The following DDX27 variants were observed in gnomAD, a reference collection of about 807,000 sequenced individuals.
DDX27 encodes the protein DEAD-box helicase 27, also known as probable ATP-dependent RNA helicase DDX27.
In DDX27, 42 loss-of-function variants were observed where a neutral mutation model predicts 99.3. The observed-to-expected ratio is 0.42, with a 90% CI of 0.33 to 0.55. The LOEUF (loss-of-function observed/expected upper bound fraction) is 0.55. Among genes scored for constraint, DDX27 ranks in the 20% least tolerant of loss-of-function variants. DDX27 has a pLI of 0.07. For synonymous variants in DDX27, 329 were observed against 353.8 expected (o/e 0.93, Z 0.79); for missense variants, 798 against 976.8 (o/e 0.82, Z 2.44).
intron 16 of DDX27, among the ~76,000 whole-genome samples, chr20:49,239,721 C>T (rs773690195): frequency 1.3e-5 from 2 of 152,062 alleles, no homozygotes; most frequent in African/African-American, 4.8e-5. Context: ...TTGGGGACCA[C>T]TGTTGTAAAG....
chr20:49,230,841 T>G (rs1980085129), intron 9 of DDX27, among the ~76,000 whole-genome samples: 1 of 151,984 alleles, frequency 6.6e-6, no homozygotes, highest in Admixed American at 6.6e-5. Flanking sequence ...CAGAAGGAAC[T>G]CTTCCTGAAC....
In DDX27 at chr20:49,236,113, G is replaced by T; in HGVS notation, c.1428-37G>T. 1 of 1,570,458 alleles carries T rather than the reference G, an allele frequency of 6.4e-7. No individual in the cohort carries two copies. The highest frequency in any genetic ancestry group is 1.2e-5 in the South Asian group (1 of 85,690). On this transcript the variant is annotated intron_variant, in intron 12 of 20. Transcript: ENST00000618172. This position sits in a 1 kb window ranked among gnomAD's most constrained non-coding sequence, Gnocchi z 4.1. ...CTCTTGTGGAGCATTATTAGGGGAGGGTGTCTGGATGAACAGCTGTTTGTG... is the reference window on the plus strand; with the variant it reads ...CTCTTGTGGAGCATTATTAGGGGAGTGTGTCTGGATGAACAGCTGTTTGTG...
In DDX27 at chr20:49,239,289, G is replaced by GCC. The variant is rs1980402247; in HGVS notation, c.1850_1851dup (p.Glu618ProfsTer28). 1.2e-6 allele frequency: 2 copies of GCC among 1,613,902 alleles called. No homozygotes were observed. The highest frequency in any genetic ancestry group is 2.7e-5 in the African/African-American group (2 of 74,920). ...AGGGGAAGGAGGCAGTGGTCCAAGAGCCCGAGAGGAGCTGGTTCCAGACCA... is the reference window on the plus strand; with the variant it reads ...AGGGGAAGGAGGCAGTGGTCCAAGAGCCCCCGAGAGGAGCTGGTTCCAGACCA... On this transcript the variant is annotated frameshift_variant, in exon 16 of 21. Coordinates refer to ENST00000618172, the MANE Select transcript of DDX27 (RefSeq NM_017895.8). LOFTEE classifies it high-confidence loss of function.
intron 18 of DDX27, 151 bp from the exon 19 acceptor site, chr20:49,242,443 C>T (rs569891616): frequency 2.1e-5 from 22 of 1,033,634 alleles, no homozygotes; most frequent in South Asian, 2.0e-4. Flanking sequence ...GCCTCACCAG[C>T]TGCTACTTGG....
At chr20:49,231,950 C>T (rs373130124) in intron 9 of DDX27, among the ~76,000 whole-genome samples, 5 of 149,488 alleles carry the variant, frequency 3.3e-5, no homozygotes, top group East Asian at 4.0e-4. Flanking sequence ...ATGGTGTGAA[C>T]ACCAGCTCAT....
Position 49,221,419 on chromosome 20 carries a change from C to T in DDX27, c.94-33C>T, listed in dbSNP as rs79583842. ...TGCTTTCTATCATTCTTTATCTCAG[C>T]CCCAAAGTCACTCTGTCTCTTACTC... On this transcript the variant is annotated intron_variant, in intron 1 of 20. Transcript: ENST00000618172. 3,860 of 1,611,784 alleles carry T rather than the reference C, an allele frequency of 2.4e-3. 54 individuals carry two copies. In the African/African-American group the frequency reaches 0.036, roughly 15 times the overall value.
At chr20:49,233,954 T>C in intron 11 of DDX27, 5 of 485,014 alleles carry the variant, frequency 1.0e-5, no homozygotes, top group Non-Finnish European at 1.9e-5. Flanking sequence ...CATCAGCTGC[T>C]GTTGTACCCG....
At chr20:49,229,023 T>A in intron 8 of DDX27, 135 bp downstream of exon 8, 1 of 603,290 alleles carries the variant, frequency 1.7e-6, no homozygotes, top group Non-Finnish European at 2.4e-6. Context: ...ACTTAAAAAC[T>A]GGAAGACTTT....
chr20:49,224,766 T>A, intron 4 of DDX27, 179 bp from the exon 5 acceptor site: 1 of 643,286 alleles, frequency 1.6e-6, no homozygotes, highest in East Asian at 2.7e-5. Context: ...GCTTTCTCTC[T>A]GACCTTAGGC....
In DDX27 at chr20:49,233,706, G is replaced by C; in HGVS notation, c.1270G>C (p.Ala424Pro). The change falls in exon 11 of 21, where the codon GCA (alanine) becomes CCA (proline). Residue 424 changes from alanine to proline, a missense_variant. This residue lies in a region of DDX27 where 553 missense variants were observed against 727.9 expected (regional missense o/e 0.76). Coordinates refer to ENST00000618172, the MANE Select transcript of DDX27 (RefSeq NM_017895.8). ...NREGDREAIV[A>P]ALLTRTFTDH... Reference sequence around the variant, plus strand: ...TGAAGGAGACCGGGAAGCCATCGTGGCAGGTGGCAGCACAGGGCAAGCCTG... The same window carrying C: ...TGAAGGAGACCGGGAAGCCATCGTGCCAGGTGGCAGCACAGGGCAAGCCTG... The C allele has an allele frequency of 1.9e-6, 3 of 1,613,154 alleles. No individual in the cohort carries two copies. Among genetic ancestry groups the C allele is most frequent in the Non-Finnish European group, 2.5e-6 (3 of 1,179,602 alleles).
chr20:49,219,603 G>A, intron 1 of DDX27, 62 bp downstream of exon 1: 1 of 1,505,260 alleles, frequency 6.6e-7, no homozygotes, highest in East Asian at 2.5e-5. Context: ...CGATTCCTCA[G>A]GTCCCTGTCC....
At chr20:49,220,192 G>GTTCAC (rs1293475193) in intron 1 of DDX27, among the ~76,000 whole-genome samples, 1 of 152,072 alleles carries the variant, frequency 6.6e-6, no homozygotes. Context: ...ATGAACTTGT[G>GTTCAC]TTCACTCTCA....
At chr20:49,235,232 C>T in intron 12 of DDX27, 144 bp downstream of exon 12, 1 of 888,038 alleles carries the variant, frequency 1.1e-6, no homozygotes, top group East Asian at 2.9e-5. Context: ...TTAACCTAAC[C>T]ACTGTGAGGT....
chr20:49,239,295 G>C lies in DDX27; in HGVS notation c.1854G>C (p.Glu618Asp). 1 of 1,613,980 alleles carries C rather than the reference G, an allele frequency of 6.2e-7. No individual in the cohort carries two copies. Among genetic ancestry groups the C allele is most frequent in the South Asian group, 1.1e-5 (1 of 91,074 alleles). Residue 618 changes from glutamate (E) to aspartate (D), a missense_variant, in exon 16 of 21, where the codon GAG becomes GAC. Physicochemically the swap from Glu to Asp is conservative, Grantham distance 45. Around this residue, in one of 2 missense-constraint regions of DDX27, gnomAD observed 553 missense variants for 727.9 expected, o/e 0.76. Coordinates refer to ENST00000618172, the MANE Select transcript of DDX27 (RefSeq NM_017895.8). ...KGKEAVVQEP[E>D]RSWFQTKEER... ...AGGAGGCAGTGGTCCAAGAGCCCGAGAGGAGCTGGTTCCAGACCAAAGAAG... is the reference window on the plus strand; with the variant it reads ...AGGAGGCAGTGGTCCAAGAGCCCGACAGGAGCTGGTTCCAGACCAAAGAAG...
chr20:49,243,998 G>A lies in DDX27; in HGVS notation c.*164G>A, dbSNP rs1980570144. The A allele has an allele frequency of 1.4e-6, 1 of 737,270 alleles. No homozygotes were observed. The highest frequency in any genetic ancestry group is 2.2e-6 in the Non-Finnish European group (1 of 452,762). The allele number at this position is 737,270 out of a possible 1,614,324, so 45.7% of individuals were successfully genotyped here. ...GGTACGTAGCTATTTTCCTAAGCAT[G>A]TCTGTCAATCTCCCTTCTTGCTGAT... On this transcript the variant is annotated 3_prime_UTR_variant, in exon 21 of 21. Transcript: ENST00000618172.
intron 11 of DDX27, 185 bp downstream of exon 11, chr20:49,233,894 T>A: frequency 1.6e-6 from 1 of 625,836 alleles, no homozygotes; most frequent in Non-Finnish European, 2.7e-6. Context: ...CCCTTTGCTT[T>A]ATCGCCTCAC....
chr20:49,243,146 C>T (rs1980536699), intron 19 of DDX27, among the ~76,000 whole-genome samples: 1 of 152,196 alleles, frequency 6.6e-6, no homozygotes, highest in African/African-American at 2.4e-5. Context: ...CCCCACCCCT[C>T]TCAGAGCCAC....
rs71186443 is a variant in DDX27 at position 49,238,765 on chromosome 20, C to CT, written c.1688-159dup. The CT allele has an allele frequency of 4.3e-3, 1,029 of 239,604 alleles. 237 individuals are homozygous for CT. Among genetic ancestry groups the CT allele is most frequent in the East Asian group, 5.8e-3 (54 of 9,320 alleles). The allele number at this position is 239,604 out of a possible 1,614,324, so 14.8% of individuals were successfully genotyped here. A position where few individuals can be genotyped will look rare whatever the true frequency, so the allele number is the denominator to read the frequency against. On this transcript the variant is annotated intron_variant, in intron 14 of 20. Coordinates refer to ENST00000618172, the MANE Select transcript of DDX27 (RefSeq NM_017895.8). The stretch of plus-strand genomic sequence containing the variant: ...TACAGGCATGAGCCACTGTGCCTGG[C>CT]TTTTTTTTTTTTTTTTTTTTTTTTT...
chr20:49,227,533 A>AT (rs1483853560), intron 7 of DDX27, among the ~76,000 whole-genome samples: 1 of 151,722 alleles, frequency 6.6e-6, no homozygotes, highest in Non-Finnish European at 1.5e-5. Context: ...CACCCGGCTG[A>AT]TTTTTGTATT....
Sources: allele counts gnomAD v4.1 joint callset (sites outside exome capture counted in the v4.1 genomes callset), GRCh38; gene constraint gnomAD v4.1.1; regional missense constraint gnomAD v4.1.1; non-coding constraint Gnocchi (gnomAD v3.1); transcripts MANE v1.5; gene names NCBI Gene and HGNC (gene_info 2026-07-23, HGNC 2026-07-21).